Variants in EPS15L1 observed in about 807,000 individuals in gnomAD.
EPS15L1 encodes the protein epidermal growth factor receptor pathway substrate 15 like 1.
A neutral mutation model predicts 117.1 loss-of-function variants in EPS15L1; 43 were observed. That is an observed-to-expected ratio of 0.37 (90% CI 0.29 to 0.47). EPS15L1 has a LOEUF of 0.47. EPS15L1 is among the 20% of genes least tolerant of loss of function. The pLI, the probability that EPS15L1 is intolerant of heterozygous loss-of-function variation, is 0.99. For missense variants in EPS15L1, 981 were observed against 1,164.0 expected, an observed-to-expected ratio of 0.84 and a Z score of 2.29; for synonymous variants, 459 against 470.5, an observed-to-expected ratio of 0.98 and a Z score of 0.32.
At chr19:16,458,446 G>A (rs1033366021) in intron 1 of EPS15L1, among the ~76,000 whole-genome samples, 6 of 151,924 alleles carry the variant, frequency 3.9e-5, no homozygotes, top group East Asian at 1.9e-4. Flanking sequence ...TGGGAGGGCC[G>A]CCCCGCCCCC....
Position 16,382,007 on chromosome 19 carries a change from T to C in EPS15L1, c.2247+3122A>G, listed in dbSNP as rs370160797. Among the ~76,000 whole-genome samples the C allele has an allele frequency of 9.9e-5, 15 of 152,194 alleles. No homozygotes were observed. The South Asian group carries it at 2.9e-3, about 29-fold the overall frequency. On this transcript the variant is annotated intron_variant, in intron 21 of 23. Transcript: ENST00000455140. ...CCTTTCTACCCTCTGTGTCGCGCAA[T>C]AGGACCCGGGCAATAAAACCACACT...
chr19:16,425,057 G>T, intron 9 of EPS15L1, 26 bp downstream of exon 9: 1 of 1,565,024 alleles, frequency 6.4e-7, no homozygotes, highest in Non-Finnish European at 8.8e-7. Flanking sequence ...TCTGAGAGGG[G>T]GCTGTGCCCG....
At chr19:16,367,587 T>C (rs566865148) in intron 22 of EPS15L1, among the ~76,000 whole-genome samples, 2 of 149,870 alleles carry the variant, frequency 1.3e-5, no homozygotes, top group Non-Finnish European at 3.0e-5. Context: ...TCAAGCTTCT[T>C]CTCGAGGCTG....
chr19:16,448,889 G>A (rs951106775), intron 1 of EPS15L1, among the ~76,000 whole-genome samples: 1 of 152,060 alleles, frequency 6.6e-6, no homozygotes, highest in Non-Finnish European at 1.5e-5. Context: ...AGAAAGGTTT[G>A]CAAAGCACAT....
At chr19:16,434,318 C>G (rs1249520421) in intron 7 of EPS15L1, 47 bp downstream of exon 7, 1 of 1,601,618 alleles carries the variant, frequency 6.2e-7, no homozygotes, top group Non-Finnish European at 8.5e-7. Context: ...CGCCCACACA[C>G]AGCAGGGACA....
At chr19:16,384,824 C>T (rs972263340) in intron 21 of EPS15L1, among the ~76,000 whole-genome samples, 2 of 152,218 alleles carry the variant, frequency 1.3e-5, no homozygotes, top group Non-Finnish European at 2.9e-5. Context: ...CTGTGCCCAA[C>T]GCCTTCTCAA....
intron 5 of EPS15L1, among the ~76,000 whole-genome samples, 171 bp downstream of exon 5, chr19:16,437,599 C>G (rs1209341885): frequency 6.6e-6 from 1 of 152,188 alleles, no homozygotes; most frequent in African/African-American, 2.4e-5. Flanking sequence ...CTAAATACCA[C>G]TAAATAGTTC....
rs764387656 is a variant in EPS15L1 at position 16,370,256 on chromosome 19, C to A, written c.2380+6866G>T. ...GCAGTTAGCAGTGGCAGGCAAGGGG[C>A]GCGCTGACTCAGGGCTTTGAATAGG... On this transcript the variant is annotated intron_variant, in intron 22 of 23. Transcript: ENST00000455140. The surrounding 1 kb of genome is among the most constrained non-coding windows in gnomAD (Gnocchi z 5.2). 6.6e-6 allele frequency among the ~76,000 whole-genome samples: 1 copy of A among 152,086 alleles called. No homozygotes were observed. The highest frequency in any genetic ancestry group is 2.4e-5 in the African/African-American group (1 of 41,412).
intron 22 of EPS15L1, among the ~76,000 whole-genome samples, chr19:16,374,387 G>A (rs2092265619): frequency 6.6e-6 from 1 of 152,206 alleles, no homozygotes; most frequent in East Asian, 1.9e-4. Context: ...CACGAGTAAA[G>A]GAGCCCAGGA....
At position 16,404,896 on chromosome 19, in the gene EPS15L1, C is replaced by CCGTGGGTGTG; in HGVS notation, c.1267-148_1267-147insCACACCCACG. The CCGTGGGTGTG allele has an allele frequency of 1.2e-6, 1 of 837,000 alleles. No homozygotes were observed. Among genetic ancestry groups the CCGTGGGTGTG allele is most frequent in the Non-Finnish European group, 1.9e-6 (1 of 529,358 alleles). 51.8% of individuals were successfully genotyped at this position (837,000 alleles called of 1,614,324 possible). A position where few individuals can be genotyped will look rare whatever the true frequency, so the allele number is the denominator to read the frequency against. On this transcript the variant is annotated intron_variant, in intron 13 of 23. Transcript: ENST00000455140. The surrounding 1 kb of genome is among the most constrained non-coding windows in gnomAD (Gnocchi z 4.2). The stretch of plus-strand genomic sequence containing the variant: ...CTCAGGGCCAGCATTCCGTGCACAC[C>CCGTGGGTGTG]CACGGCCAATGTGTGCCTCTTGGGC...
At chr19:16,454,663 C>A (rs2093178052) in intron 1 of EPS15L1, among the ~76,000 whole-genome samples, 1 of 152,124 alleles carries the variant, frequency 6.6e-6, no homozygotes, top group Non-Finnish European at 1.5e-5. Flanking sequence ...TGGGGCATGG[C>A]ACAGGGGTAA....
intron 21 of EPS15L1, among the ~76,000 whole-genome samples, chr19:16,378,826 G>A (rs2092328243): frequency 6.6e-6 from 1 of 152,208 alleles, no homozygotes; most frequent in South Asian, 2.1e-4. Flanking sequence ...GAAGAAGGAT[G>A]AGTAACCACT....
At chr19:16,453,482 G>C (rs1030605425) in intron 1 of EPS15L1, among the ~76,000 whole-genome samples, 1 of 152,148 alleles carries the variant, frequency 6.6e-6, no homozygotes. Context: ...GGGAGGCCGA[G>C]GTGGGCGGAT....
chr19:16,369,019 G>A (rs1433982603), intron 22 of EPS15L1, among the ~76,000 whole-genome samples: 1 of 152,212 alleles, frequency 6.6e-6, no homozygotes, highest in Non-Finnish European at 1.5e-5. Context: ...GGAGAGGGGA[G>A]AAAGAAAACA....
chr19:16,456,484 C>CT (rs1461504317), intron 1 of EPS15L1, among the ~76,000 whole-genome samples: 1 of 151,942 alleles, frequency 6.6e-6, no homozygotes, highest in Non-Finnish European at 1.5e-5. Flanking sequence ...TGGTGAAACT[C>CT]TATCTCTACT....
At position 16,458,553 on chromosome 19, in the gene EPS15L1, G is replaced by C. The variant is rs910574666; in HGVS notation, c.33+13360C>G. 3.3e-5 allele frequency among the ~76,000 whole-genome samples: 5 copies of C among 150,156 alleles called. No individual in the cohort carries two copies. In the Admixed American group the frequency reaches 3.3e-4, roughly 10 times the overall value. On this transcript the variant is annotated intron_variant, in intron 1 of 23. Coordinates refer to ENST00000455140, the MANE Select transcript of EPS15L1 (RefSeq NM_001258374.3). The stretch of plus-strand genomic sequence containing the variant: ...GCTTCCCCACTGCACCTCGCACACA[G>C]CCACTCCTCTGCTCAGAAAGGCTCT...
chr19:16,466,761 G>A (rs1362174655), intron 1 of EPS15L1, among the ~76,000 whole-genome samples: 2 of 151,984 alleles, frequency 1.3e-5, no homozygotes, highest in Non-Finnish European at 2.9e-5. Flanking sequence ...AAATTAGCTG[G>A]GTGTGGTAGT....
intron 21 of EPS15L1, 68 bp downstream of exon 21, chr19:16,385,061 A>C: frequency 8.2e-7 from 1 of 1,226,720 alleles, no homozygotes. Context: ...TACGCCTGGC[A>C]GCCCACACCA....
intron 22 of EPS15L1, among the ~76,000 whole-genome samples, chr19:16,364,482 G>A (rs952638157): frequency 6.6e-6 from 1 of 152,140 alleles, no homozygotes; most frequent in African/African-American, 2.4e-5. Flanking sequence ...CGACCTCCCC[G>A]GGGCTGCAGA....
Sources: gnomAD v4.1 joint callset for allele counts (sites outside exome capture counted in the v4.1 genomes callset) on GRCh38, gnomAD v4.1.1 for gene constraint, Gnocchi (gnomAD v3.1) non-coding constraint, MANE v1.5 for transcripts, NCBI Gene and HGNC (gene_info 2026-07-23, HGNC 2026-07-21) for gene names.